CNTN5: variants seen among roughly 807,000 people sequenced by gnomAD.
CNTN5 encodes contactin-5.
In CNTN5, 77 loss-of-function variants were observed where a neutral mutation model predicts 129.1. That is an observed-to-expected ratio of 0.60 (90% CI 0.50 to 0.72). The LOEUF (loss-of-function observed/expected upper bound fraction) is 0.72. CNTN5 is among the 30% of genes least tolerant of loss of function. CNTN5 has a pLI of 0.00. For missense variants in CNTN5, 1,478 were observed against 1,328.8 expected (o/e 1.11, Z -1.75); for synonymous variants, 509 against 465.6 (o/e 1.09, Z -1.20).
chr11:99,710,299 C>A (rs748051326), intron 3 of CNTN5, among the ~76,000 whole-genome samples: 44 of 151,868 alleles, frequency 2.9e-4, no homozygotes, highest in Admixed American at 1.1e-3. Context: ...TTGCCCCATT[C>A]ATTCCTCTTG....
intron 6 of CNTN5, among the ~76,000 whole-genome samples, chr11:99,851,850 T>C (rs1947883893): frequency 6.6e-6 from 1 of 152,198 alleles, no homozygotes; most frequent in African/African-American, 2.4e-5. Context: ...AACTCAAAAA[T>C]TACTTCTCTG....
At chr11:99,080,792 A>T (rs1320772056) in intron 1 of CNTN5, among the ~76,000 whole-genome samples, 1 of 152,208 alleles carries the variant, frequency 6.6e-6, no homozygotes. Context: ...AAAATAAAAA[A>T]TAGATTTGTA....
chr11:100,210,164 T>C (rs971848516), intron 15 of CNTN5, among the ~76,000 whole-genome samples: 20 of 131,774 alleles, frequency 1.5e-4, no homozygotes, highest in Non-Finnish European at 2.6e-4. Context: ...AGTGAAAACC[T>C]GCCTCTATAC....
intron 2 of CNTN5, among the ~76,000 whole-genome samples, chr11:99,384,523 A>T (rs933454797): frequency 1.4e-4 from 22 of 152,308 alleles, no homozygotes; most frequent in African/African-American, 5.3e-4. Context: ...ATATTCCAGG[A>T]AATTTTGAGC....
intron 3 of CNTN5, among the ~76,000 whole-genome samples, chr11:99,695,693 G>A (rs544742190): frequency 6.6e-6 from 1 of 151,840 alleles, no homozygotes; most frequent in South Asian, 2.1e-4. Context: ...GGCAACGTAG[G>A]AACATAGACT....
At chr11:100,343,967 A>T (rs1263516966) in intron 23 of CNTN5, among the ~76,000 whole-genome samples, 2 of 152,070 alleles carry the variant, frequency 1.3e-5, no homozygotes, top group Admixed American at 1.3e-4. Context: ...GGCGGGCTTG[A>T]CCCATTAAAA....
intron 2 of CNTN5, among the ~76,000 whole-genome samples, chr11:99,396,949 G>A (rs1023471227): frequency 7.3e-5 from 11 of 151,610 alleles, no homozygotes; most frequent in African/African-American, 2.4e-4. Flanking sequence ...GAACACTTTG[G>A]CTTAAGAAGT....
chr11:99,877,788 CTA>C (rs1454648166), intron 6 of CNTN5, among the ~76,000 whole-genome samples: 1 of 152,180 alleles, frequency 6.6e-6, no homozygotes, highest in African/African-American at 2.4e-5. Context: ...TTCCTCATAA[CTA>C]TTAAATCTGT....
chr11:99,298,736 A>C (rs768071170), intron 1 of CNTN5, among the ~76,000 whole-genome samples: 104 of 152,210 alleles, frequency 6.8e-4, no homozygotes, highest in Non-Finnish European at 1.1e-3. Context: ...AATCCAGCCC[A>C]AAAAACATCA....
At chr11:100,061,049 G>C (rs1943453682) in intron 9 of CNTN5, among the ~76,000 whole-genome samples, 163 bp from the exon 10 acceptor site, 1 of 89,428 alleles carries the variant, frequency 1.1e-5, no homozygotes, top group African/African-American at 4.9e-5. Context: ...CTACTTCCCA[G>C]ACAACCCACG....
At chr11:99,030,764 G>A (rs995914492) in intron 1 of CNTN5, among the ~76,000 whole-genome samples, 3 of 148,490 alleles carry the variant, frequency 2.0e-5, no homozygotes, top group Non-Finnish European at 3.0e-5. Flanking sequence ...TAAATGTGGC[G>A]TCTAATGCTA....
intron 3 of CNTN5, among the ~76,000 whole-genome samples, chr11:99,762,782 T>C (rs1944626171): frequency 6.6e-6 from 1 of 152,166 alleles, no homozygotes; most frequent in Non-Finnish European, 1.5e-5. Context: ...AATATGTTCT[T>C]CAAATTTAAT....
At chr11:100,026,292 G>A (rs1941416185) in intron 9 of CNTN5, among the ~76,000 whole-genome samples, 1 of 151,692 alleles carries the variant, frequency 6.6e-6, no homozygotes, top group South Asian at 2.1e-4. Flanking sequence ...TTTCCACCAA[G>A]ATAGTAAGTT....
intron 2 of CNTN5, among the ~76,000 whole-genome samples, chr11:99,517,062 A>T (rs1415126153): frequency 6.6e-6 from 1 of 152,116 alleles, no homozygotes; most frequent in Non-Finnish European, 1.5e-5. Context: ...TGTTACACAC[A>T]CAGTTGAATT....
At chr11:100,231,246 G>A (rs1949481505) in intron 16 of CNTN5, among the ~76,000 whole-genome samples, 1 of 152,168 alleles carries the variant, frequency 6.6e-6, no homozygotes, top group Admixed American at 6.5e-5. Flanking sequence ...AGACCATTCA[G>A]GAAAATGTTG....
At chr11:100,129,228 T>C (rs914963223) in intron 13 of CNTN5, among the ~76,000 whole-genome samples, 11 of 152,080 alleles carry the variant, frequency 7.2e-5, no homozygotes, top group African/African-American at 2.7e-4. Flanking sequence ...GCGTGCGTTA[T>C]GCCAGTTTAA....
chr11:99,868,917 GA>G (rs1237059379), intron 6 of CNTN5, among the ~76,000 whole-genome samples: 1 of 152,114 alleles, frequency 6.6e-6, no homozygotes, highest in Non-Finnish European at 1.5e-5. Flanking sequence ...GAATGGGAAA[GA>G]AAAGAAGTAG....
chr11:100,287,497 C>A (rs1191628157), intron 18 of CNTN5, among the ~76,000 whole-genome samples: 1 of 150,510 alleles, frequency 6.6e-6, no homozygotes, highest in African/African-American at 2.5e-5. Context: ...ATTTCATATC[C>A]AGCCAAACTA....
At chr11:99,788,041 T>C (rs1179396999) in intron 3 of CNTN5, among the ~76,000 whole-genome samples, 2 of 152,112 alleles carry the variant, frequency 1.3e-5, no homozygotes, top group African/African-American at 4.8e-5. Flanking sequence ...TTCTTTGTGT[T>C]CTTGGCACCC....
Sources: allele counts gnomAD v4.1 joint callset (sites outside exome capture counted in the v4.1 genomes callset), GRCh38; gene constraint gnomAD v4.1.1; transcripts MANE v1.5; gene names NCBI Gene and HGNC (gene_info 2026-07-23, HGNC 2026-07-21).